The following OSR1 variants were observed in gnomAD, a reference collection of about 807,000 sequenced individuals.
OSR1 encodes the protein protein odd-skipped-related 1.
A neutral mutation model predicts 15.7 loss-of-function variants in OSR1; 3 were observed. The observed-to-expected ratio is 0.19, with a 90% CI of 0.09 to 0.50. The LOEUF is 0.50. OSR1 is among the 20% of genes least tolerant of loss of function. The pLI, the probability that OSR1 is intolerant of heterozygous loss-of-function variation, is 0.97. For synonymous variants in OSR1, 166 were observed against 152.7 expected (o/e 1.09, Z -0.64); for missense variants, 271 against 351.1 (o/e 0.77, Z 1.82).
downstream of OSR1, among the ~76,000 whole-genome samples, chr2:19,351,118 C>G (rs1664830000): frequency 1.3e-5 from 2 of 152,100 alleles, no homozygotes. Context: ...CTTCTTGCAC[C>G]CTAAGCGATC....
intron 1 of OSR1, 33 bp downstream of exon 1, chr2:19,358,308 T>G (rs1346206726): frequency 6.6e-6 from 1 of 152,418 alleles, no homozygotes; most frequent in Non-Finnish European, 1.5e-5. Context: ...CGCATTCGCT[T>G]TGCTGAGCCC....
chr2:19,354,522 G>C (rs1166353990), intron 1 of OSR1: 1 of 152,032 alleles, frequency 6.6e-6, no homozygotes, highest in African/African-American at 2.4e-5. Flanking sequence ...AAGGTCTTCT[G>C]GCTGACCTTC....
chr2:19,355,054 C>G (rs995447552), intron 1 of OSR1: 1 of 152,256 alleles, frequency 6.6e-6, no homozygotes, highest in Non-Finnish European at 1.5e-5. Flanking sequence ...TGCTTTTCAT[C>G]TCTACCTCCC....
downstream of OSR1, among the ~76,000 whole-genome samples, chr2:19,347,563 A>G (rs1558357400): frequency 6.6e-6 from 1 of 152,204 alleles, no homozygotes; most frequent in Non-Finnish European, 1.5e-5. Context: ...TGAATTTTTC[A>G]TCTGAAACAT....
chr2:19,348,617 G>A (rs1357207749), downstream of OSR1: 2 of 154,300 alleles, frequency 1.3e-5, no homozygotes, highest in Non-Finnish European at 2.9e-5. Context: ...GAGTCCCAGA[G>A]CATCACATTG....
Position 19,357,270 on chromosome 2 carries a change from T to C in OSR1, c.-33+1071A>G, listed in dbSNP as rs1664969123. Among the ~76,000 whole-genome samples, 1 of 152,190 alleles carries C rather than the reference T, an allele frequency of 6.6e-6. No individual in the cohort carries two copies. ...CCAGCGCTTCTCTTCCCTAGGGGGTTGTGAACCTGGGACACCTAGCCTTGC... is the reference window on the plus strand; with the variant it reads ...CCAGCGCTTCTCTTCCCTAGGGGGTCGTGAACCTGGGACACCTAGCCTTGC... On this transcript the variant is annotated intron_variant, in intron 1 of 2. Coordinates refer to ENST00000272223, the MANE Select transcript of OSR1 (RefSeq NM_145260.3). The surrounding 1 kb of genome is among the most constrained non-coding windows in gnomAD (Gnocchi z 5.0).
At chr2:19,354,476 C>T (rs1301963827) in intron 1 of OSR1, 2 of 152,170 alleles carry the variant, frequency 1.3e-5, no homozygotes, top group African/African-American at 2.4e-5. Context: ...CATACACAGG[C>T]GCACAAATGC....
chr2:19,345,125 G>A, the OSR1 span, among the ~76,000 whole-genome samples: 1 of 152,102 alleles, frequency 6.6e-6, no homozygotes, highest in Non-Finnish European at 1.5e-5. Context: ...ATCACGGCGG[G>A]AGTTTTTAAT....
chr2:19,348,840 C>T (rs1418393306), downstream of OSR1, among the ~76,000 whole-genome samples: 4 of 152,204 alleles, frequency 2.6e-5, no homozygotes, highest in Non-Finnish European at 4.4e-5. Flanking sequence ...CCGGGCTGTG[C>T]CCAGGGTCTC....
intron 2 of OSR1, among the ~76,000 whole-genome samples, chr2:19,352,858 T>G (rs140150227): frequency 2.4e-4 from 37 of 152,344 alleles, no homozygotes; most frequent in South Asian, 1.4e-3. Context: ...GTGTCACATG[T>G]CACACCCCTG....
At chr2:19,351,301 G>A (rs1664834236), downstream of OSR1, among the ~76,000 whole-genome samples, 1 of 152,042 alleles carries the variant, frequency 6.6e-6, no homozygotes, top group South Asian at 2.1e-4. Flanking sequence ...ATCAATACAT[G>A]GTGGGGCGGA....
At position 19,353,602 on chromosome 2, in the gene OSR1, A is replaced by G; in HGVS notation, c.204T>C (p.Ser68=). 2 of 1,614,228 alleles carry G rather than the reference A, an allele frequency of 1.2e-6. No individual in the cohort carries two copies. Among genetic ancestry groups the G allele is most frequent in the Middle Eastern group, 1.6e-4 (1 of 6,062 alleles). The part of the protein sequence containing the change: ...GYPAMHLPRS[S]FSKVPGTVSS... ...ACACCGTGCCCGGCACTTTGGAGAA[A>G]GAAGAGCGCGGCAAGTGCATGGCCG... The change falls in exon 2 of 3, where the codon TCT becomes TCC. Residue 68 remains serine (S), a synonymous_variant. Transcript: ENST00000272223.
At chr2:19,347,865 T>C (rs962723186), downstream of OSR1, among the ~76,000 whole-genome samples, 2 of 152,216 alleles carry the variant, frequency 1.3e-5, no homozygotes, top group African/African-American at 4.8e-5. Context: ...GCCACCCACT[T>C]TCTCGTCTGC....
chr2:19,353,978 A>C, intron 1 of OSR1, 141 bp from the exon 2 acceptor site: 1 of 671,868 alleles, frequency 1.5e-6, no homozygotes. Context: ...CCCATTCCCA[A>C]AACCCACTGC....
At chr2:19,347,784 G>T (rs562201651), downstream of OSR1, among the ~76,000 whole-genome samples, 1 of 152,328 alleles carries the variant, frequency 6.6e-6, no homozygotes, top group East Asian at 1.9e-4. Context: ...TCAGATCCCA[G>T]GGGCCTCTGT....
At position 19,353,366 on chromosome 2, in the gene OSR1, A is replaced by G; in HGVS notation, c.440T>C (p.Leu147Pro). 1 of 1,614,192 alleles carries G rather than the reference A, an allele frequency of 6.2e-7. No individual in the cohort carries two copies. The highest frequency in any genetic ancestry group is 8.5e-7 in the Non-Finnish European group (1 of 1,180,012). The change falls in exon 2 of 3, where the codon CTG (leucine) becomes CCG (proline). Residue 147 changes from leucine (L) to proline (P), a missense_variant. This residue lies in a region of OSR1 where 210 missense variants were observed against 218.4 expected (regional missense o/e 0.96). Coordinates refer to ENST00000272223, the MANE Select transcript of OSR1 (RefSeq NM_145260.3). ...CTTGGTCACGTCGAGGAGGGCACCCAGCCCACCTGCAGGGGAGCCTGGGCC... is the reference window on the plus strand; with the variant it reads ...CTTGGTCACGTCGAGGAGGGCACCCGGCCCACCTGCAGGGGAGCCTGGGCC... ...GEGPGSPAGG[L>P]GALLDVTKLS...
chr2:19,356,296 C>A (rs1481664088), intron 1 of OSR1: 1 of 152,282 alleles, frequency 6.6e-6, no homozygotes, highest in Non-Finnish European at 1.5e-5. Context: ...TCCTGGGAGC[C>A]AACCTTTCCG....
downstream of OSR1, among the ~76,000 whole-genome samples, chr2:19,348,857 C>T (rs561550719): frequency 6.6e-6 from 1 of 152,338 alleles, no homozygotes; most frequent in African/African-American, 2.4e-5. Context: ...TCTCTGGCAC[C>T]TTCCGCCCTC....
downstream of OSR1, among the ~76,000 whole-genome samples, chr2:19,350,383 G>A (rs749880091): frequency 6.9e-4 from 105 of 151,860 alleles, no homozygotes; most frequent in Non-Finnish European, 1.1e-3. Context: ...CGAAGTTCTA[G>A]CCCGCACAGG....
Sources: allele counts gnomAD v4.1 joint callset (sites outside exome capture counted in the v4.1 genomes callset), GRCh38; gene constraint gnomAD v4.1.1; regional missense constraint gnomAD v4.1.1; non-coding constraint Gnocchi (gnomAD v3.1); transcripts MANE v1.5; gene names NCBI Gene and HGNC (gene_info 2026-07-23, HGNC 2026-07-21).